The following GPHN variants were observed in gnomAD, a reference collection of about 807,000 sequenced individuals.
The protein encoded by GPHN is gephyrin.
In GPHN, 17 loss-of-function variants were observed where a neutral mutation model predicts 95.5. The ratio of observed to expected loss-of-function variants is 0.18; its 90% CI spans 0.12 to 0.27. The LOEUF (loss-of-function observed/expected upper bound fraction) is 0.27. Ranked by LOEUF, GPHN falls within the 10% of genes least tolerant of loss-of-function variation. The probability of loss-of-function intolerance (pLI) is 1.00; values close to 1 mark genes in which losing one functional copy is unlikely to be tolerated. For synonymous variants in GPHN, 320 were observed against 322.5 expected (o/e 0.99, Z 0.08); for missense variants, 660 against 978.1 (o/e 0.67, Z 4.34).
chr14:67,675,945 A>C, the GPHN span, among the ~76,000 whole-genome samples: 1 of 151,844 alleles, frequency 6.6e-6, no homozygotes, highest in Admixed American at 6.6e-5. Flanking sequence ...AAAAACACAA[A>C]AATTAGCCAA....
intron 1 of GPHN, among the ~76,000 whole-genome samples, chr14:66,648,206 C>A (rs960849625): frequency 2.0e-5 from 3 of 151,836 alleles, no homozygotes; most frequent in African/African-American, 4.8e-5. Flanking sequence ...TAAAAAGACA[C>A]GTATTCAGGA....
At chr14:66,774,595 T>C (rs1447571498) in intron 2 of GPHN, among the ~76,000 whole-genome samples, 2 of 152,190 alleles carry the variant, frequency 1.3e-5, no homozygotes, top group East Asian at 3.8e-4. Context: ...CAAAAAGTCT[T>C]GTATTCCACT....
the GPHN span, among the ~76,000 whole-genome samples, chr14:67,664,936 A>T: frequency 6.6e-6 from 1 of 151,956 alleles, no homozygotes; most frequent in African/African-American, 2.4e-5. Context: ...GCGTCATCTC[A>T]GCTCACTGCA....
At chr14:66,756,373 A>G (rs1024118622) in intron 2 of GPHN, among the ~76,000 whole-genome samples, 5 of 152,040 alleles carry the variant, frequency 3.3e-5, no homozygotes, top group Admixed American at 1.3e-4. Flanking sequence ...TCATTCCTCC[A>G]TATCCACAGG....
rs771584129 is a variant in GPHN, at chr14:66,681,142, C to T, written c.100C>T (p.Arg34Cys). The change falls in exon 2 of 23, where the codon CGC (arginine) becomes TGC (cysteine). Residue 34 changes from arginine to cysteine, a missense_variant. Physicochemically the swap from Arg to Cys is radical, Grantham distance 180 (BLOSUM62 -3). Coordinates refer to ENST00000478722, the MANE Select transcript of GPHN (RefSeq NM_020806.5). ...DSCFRNLAED[R>C]SGINLKDLVQ... ...TTGCTTCAGGAATCTTGCAGAAGAC[C>T]GCAGTGGGATAAATCTCAAAGATCT... The T allele has an allele frequency of 3.8e-6, 6 of 1,599,442 alleles. No individual in the cohort carries two copies. The highest frequency in any genetic ancestry group is 1.1e-5 in the South Asian group (1 of 90,724).
chr14:67,183,422 T>G (rs114958032), downstream of GPHN, among the ~76,000 whole-genome samples: 9 of 152,194 alleles, frequency 5.9e-5, no homozygotes. Context: ...CTATAAGCAT[T>G]GTTTTTCCTG....
intron 2 of GPHN, among the ~76,000 whole-genome samples, chr14:66,771,496 A>G (rs568794143): frequency 1.5e-3 from 233 of 152,324 alleles, no homozygotes; most frequent in Non-Finnish European, 2.7e-3. Context: ...TAAATTGCCC[A>G]GTAGAATAGA....
At chr14:67,695,483 C>T in the GPHN span, 2 of 706,870 alleles carry the variant, frequency 2.8e-6, no homozygotes, top group Non-Finnish European at 4.6e-6. Context: ...GACAGCTGGA[C>T]CTCGCCTCCA....
intron 1 of GPHN, among the ~76,000 whole-genome samples, chr14:66,664,110 A>G (rs2065810779): frequency 6.6e-6 from 1 of 152,200 alleles, no homozygotes; most frequent in African/African-American, 2.4e-5. Context: ...ATCTGAACTC[A>G]GATCTGGATT....
chr14:67,517,287 C>T, the GPHN span, among the ~76,000 whole-genome samples: 1 of 152,198 alleles, frequency 6.6e-6, no homozygotes, highest in Non-Finnish European at 1.5e-5. Flanking sequence ...TGGCTCTCCC[C>T]CAGGCTCTGG....
At position 66,637,226 on chromosome 14, in the gene GPHN, A is replaced by G. The variant is rs947534875; in HGVS notation, c.65-43881A>G. Among the ~76,000 whole-genome samples the G allele has an allele frequency of 2.6e-5, 4 of 152,320 alleles. No individual in the cohort carries two copies. The South Asian group carries it at 8.3e-4, about 32-fold the overall frequency. On this transcript the variant is annotated intron_variant, in intron 1 of 22. Transcript: ENST00000478722. ...TATAGTTAATAGGTTATACATGGCC[A>G]TACTTAAATCTCTAATGATATGCCT...
chr14:67,003,064 C>T (rs1246847405), intron 9 of GPHN, among the ~76,000 whole-genome samples: 1 of 151,508 alleles, frequency 6.6e-6, no homozygotes, highest in Non-Finnish European at 1.5e-5. Flanking sequence ...TTTCATTCTG[C>T]CAGGTGACTA....
rs183514487 is a variant in GPHN, at chr14:67,135,180, G to A, written c.1749-8182G>A. On this transcript the variant is annotated intron_variant, in intron 17 of 22. Coordinates refer to ENST00000478722, the MANE Select transcript of GPHN (RefSeq NM_020806.5). ...TCACCATGTTGGCCAGGCTGGTCTC[G>A]AACTCCTGACCTCAAGTGATCCACC... is the stretch of plus-strand genomic sequence containing the variant. Among the ~76,000 whole-genome samples, 476 of 151,798 alleles carry A rather than the reference G, an allele frequency of 3.1e-3. 3 individuals carry two copies. The highest frequency in any genetic ancestry group is 0.011 in the African/African-American group (453 of 41,432).
At chr14:67,571,040 A>G in the GPHN span, 4 of 152,348 alleles carry the variant, frequency 2.6e-5, no homozygotes, top group African/African-American at 9.6e-5. Context: ...CTCCTTCTAT[A>G]GGTGTCCAGT....
chr14:66,540,740 G>C (rs1306516197), intron 1 of GPHN, among the ~76,000 whole-genome samples: 1 of 152,128 alleles, frequency 6.6e-6, no homozygotes, highest in Non-Finnish European at 1.5e-5. Flanking sequence ...TTACTATAAT[G>C]TTCAATTTAG....
chr14:67,573,181 C>G, the GPHN span: 18,124 of 736,338 alleles, frequency 0.025, 754 homozygotes, highest in Admixed American at 0.1. The surrounding 1 kb of genome is among the most constrained non-coding windows in gnomAD (Gnocchi z 4.8). Flanking sequence ...AATTGATGAC[C>G]GAGTAGTGAG....
At chr14:66,989,655 GA>G (rs34801654) in intron 9 of GPHN, among the ~76,000 whole-genome samples, 9,540 of 111,410 alleles carry the variant, frequency 0.086, 366 homozygotes, top group Non-Finnish European at 0.14. Context: ...GTCCAATATA[GA>G]AAAAAAAAAA....
chr14:66,623,762 A>T (rs1381676863), intron 1 of GPHN, among the ~76,000 whole-genome samples: 1 of 152,158 alleles, frequency 6.6e-6, no homozygotes, highest in East Asian at 1.9e-4. Flanking sequence ...GAGAAATTTT[A>T]AAGAAGAGGA....
intron 2 of GPHN, among the ~76,000 whole-genome samples, chr14:66,743,242 C>CA (rs942367082): frequency 1.3e-4 from 19 of 151,840 alleles, no homozygotes; most frequent in African/African-American, 4.4e-4. Context: ...TCTTCCCCCC[C>CA]ACTTTAAAGT....
Sources: gnomAD v4.1 joint callset for allele counts (sites outside exome capture counted in the v4.1 genomes callset) on GRCh38, gnomAD v4.1.1 for gene constraint, Gnocchi (gnomAD v3.1) non-coding constraint, MANE v1.5 for transcripts, NCBI Gene and HGNC (gene_info 2026-07-23, HGNC 2026-07-21) for gene names.